PLCB1: variants seen among roughly 807,000 people sequenced by gnomAD.
The protein encoded by PLCB1 is 1-phosphatidylinositol 4,5-bisphosphate phosphodiesterase beta-1.
In PLCB1, 46 loss-of-function variants were observed where a neutral mutation model predicts 161.8. The observed-to-expected ratio is 0.28, with a 90% confidence interval of 0.22 to 0.36. The LOEUF (loss-of-function observed/expected upper bound fraction) is 0.36, where lower values mean the gene tolerates loss of function less well. PLCB1 is among the 10% of genes least tolerant of loss of function. The pLI, the probability that PLCB1 is intolerant of heterozygous loss-of-function variation, is 1.00. For missense variants in PLCB1, 1,016 were observed against 1,472.5 expected (o/e 0.69, Z 5.07); for synonymous variants, 517 against 503.7 (o/e 1.03, Z -0.35).
chr20:8,857,955 C>G (rs1250435087), intron 31 of PLCB1, among the ~76,000 whole-genome samples: 1 of 151,918 alleles, frequency 6.6e-6, no homozygotes, highest in Non-Finnish European at 1.5e-5. Context: ...CATAACAATT[C>G]TTTATATATT....
chr20:8,386,832 A>G (rs946396093), intron 3 of PLCB1, among the ~76,000 whole-genome samples: 1 of 152,236 alleles, frequency 6.6e-6, no homozygotes, highest in Non-Finnish European at 1.5e-5. Context: ...TAGCTTCTCC[A>G]TCAGCACTTC....
chr20:8,382,496 G>A (rs1337080563), intron 3 of PLCB1, among the ~76,000 whole-genome samples: 1 of 149,902 alleles, frequency 6.7e-6, no homozygotes, highest in Non-Finnish European at 1.5e-5. Context: ...TGTTAGCCAG[G>A]ATGGTCTCGA....
intron 2 of PLCB1, among the ~76,000 whole-genome samples, chr20:8,201,004 CCTCTG>C (rs1275500575): frequency 6.6e-6 from 1 of 152,040 alleles, no homozygotes; most frequent in Non-Finnish European, 1.5e-5. Context: ...AAGCTTTTCT[CCTCTG>C]CTGCAAACTT....
intron 3 of PLCB1, among the ~76,000 whole-genome samples, chr20:8,587,249 A>G (rs1211031697): frequency 2.0e-5 from 3 of 152,162 alleles, no homozygotes; most frequent in Non-Finnish European, 4.4e-5. Flanking sequence ...CAGTACCAAC[A>G]GAGAATTCTC....
intron 31 of PLCB1, among the ~76,000 whole-genome samples, chr20:8,795,763 T>C (rs1399042829): frequency 1.3e-5 from 2 of 150,932 alleles, no homozygotes; most frequent in Non-Finnish European, 3.0e-5. Flanking sequence ...TAGTCCCGGC[T>C]ACTTGGGAGG....
chr20:8,420,905 A>C lies in PLCB1; in HGVS notation c.246+49455A>C, dbSNP rs564488351. 5.3e-5 allele frequency among the ~76,000 whole-genome samples: 8 copies of C among 152,296 alleles called. No individual in the cohort carries two copies. The East Asian group carries it at 1.5e-3, about 29-fold the overall frequency. The stretch of plus-strand genomic sequence containing the variant: ...TCTTCATTCAGAATTTCTTAATCTT[A>C]CTGGAAGTACATAAAATCTGTTTTT... On this transcript the variant is annotated intron_variant, in intron 3 of 31. Coordinates refer to ENST00000338037, the MANE Select transcript of PLCB1 (RefSeq NM_015192.4).
At chr20:8,522,974 G>A (rs1047465038) in intron 3 of PLCB1, among the ~76,000 whole-genome samples, 3 of 152,090 alleles carry the variant, frequency 2.0e-5, no homozygotes, top group African/African-American at 7.2e-5. Context: ...AGTCAAACTG[G>A]GTGTAATGTG....
chr20:8,415,899 G>T (rs1979249509), intron 3 of PLCB1, among the ~76,000 whole-genome samples: 1 of 152,206 alleles, frequency 6.6e-6, no homozygotes, highest in Non-Finnish European at 1.5e-5. Flanking sequence ...CCTTAGGTAG[G>T]TTGTTGCTCT....
chr20:8,873,523 G>A (rs1312127716), intron 31 of PLCB1, among the ~76,000 whole-genome samples: 2 of 151,880 alleles, frequency 1.3e-5, no homozygotes, highest in Non-Finnish European at 2.9e-5. Context: ...ATTTTAGAAT[G>A]CTATTTTTAT....
intron 3 of PLCB1, among the ~76,000 whole-genome samples, chr20:8,476,380 T>C (rs1448322351): frequency 1.3e-5 from 2 of 152,218 alleles, no homozygotes; most frequent in Non-Finnish European, 2.9e-5. Flanking sequence ...AGCAAAGCTG[T>C]TGATCACCTT....
chr20:8,740,193 TATC>T (rs1980798730), intron 21 of PLCB1, 148 bp from the exon 22 acceptor site: 3 of 560,354 alleles, frequency 5.4e-6, no homozygotes, highest in East Asian at 3.4e-5. Flanking sequence ...AATAATGCCT[TATC>T]ATTCATAAAT....
chr20:8,430,788 C>G (rs2122576940), intron 3 of PLCB1, among the ~76,000 whole-genome samples: 3 of 152,172 alleles, frequency 2.0e-5, no homozygotes, highest in Middle Eastern at 6.8e-3. Context: ...AAGACCCCAT[C>G]TCTACTAAAA....
At chr20:8,134,233 A>G (rs1161768746) in intron 1 of PLCB1, among the ~76,000 whole-genome samples, 3 of 152,378 alleles carry the variant, frequency 2.0e-5, no homozygotes, top group African/African-American at 4.8e-5. Context: ...AAAGACAAAG[A>G]AAATGCAGTT....
intron 3 of PLCB1, among the ~76,000 whole-genome samples, chr20:8,602,092 A>G (rs1987604113): frequency 6.6e-6 from 1 of 152,224 alleles, no homozygotes; most frequent in Non-Finnish European, 1.5e-5. Flanking sequence ...AGCCTCAGAT[A>G]AGAATTAAAG....
intron 2 of PLCB1, among the ~76,000 whole-genome samples, chr20:8,196,675 A>T (rs1334257034): frequency 4.0e-5 from 6 of 148,860 alleles, no homozygotes; most frequent in Non-Finnish European, 8.9e-5. Context: ...AAATATATAT[A>T]TTTTTAATTA....
At chr20:8,708,109 G>A (rs1354274395) in intron 11 of PLCB1, among the ~76,000 whole-genome samples, 1 of 152,022 alleles carries the variant, frequency 6.6e-6, no homozygotes, top group Non-Finnish European at 1.5e-5. Context: ...TATTGGGATG[G>A]TGCTCGCATG....
rs371644391 is a variant in PLCB1 at position 8,147,160 on chromosome 20, T to C, written c.100-3134T>C. ...TGGACCAACAGCATCAGCATCACCATGAGCTTCTTAGAAGTCCAGATTTTC... is the reference window on the plus strand; with the variant it reads ...TGGACCAACAGCATCAGCATCACCACGAGCTTCTTAGAAGTCCAGATTTTC... On this transcript the variant is annotated intron_variant, in intron 1 of 31. Coordinates refer to ENST00000338037, the MANE Select transcript of PLCB1 (RefSeq NM_015192.4). Among the ~76,000 whole-genome samples the C allele has an allele frequency of 1.1e-3, 171 of 152,284 alleles. 3 individuals are homozygous for C. In the South Asian group the frequency reaches 0.026, roughly 23 times the overall value.
At position 8,358,219 on chromosome 20, in the gene PLCB1, C is replaced by T. The variant is rs144648853; in HGVS notation, c.178-13163C>T. ...CAGGGCCATAAGCTTGCAGAGCTAC[C>T]GTGGTGGCATGGCCCATGGTTTGTC... On this transcript the variant is annotated intron_variant, in intron 2 of 31. Coordinates refer to ENST00000338037, the MANE Select transcript of PLCB1 (RefSeq NM_015192.4). Among the ~76,000 whole-genome samples, 48 of 148,632 alleles carry T rather than the reference C, an allele frequency of 3.2e-4. No individual in the cohort carries two copies. The East Asian group carries it at 7.5e-3, about 23-fold the overall frequency.
intron 2 of PLCB1, among the ~76,000 whole-genome samples, chr20:8,317,525 C>T (rs774079523): frequency 1.3e-5 from 2 of 151,856 alleles, no homozygotes; most frequent in African/African-American, 4.8e-5. Flanking sequence ...CCCCCCCATC[C>T]CCCCGACACA....
Sources: gnomAD v4.1 joint callset for allele counts (sites outside exome capture counted in the v4.1 genomes callset) on GRCh38, gnomAD v4.1.1 for gene constraint, MANE v1.5 for transcripts, NCBI Gene and HGNC (gene_info 2026-07-23, HGNC 2026-07-21) for gene names.